Variants in MYL4 observed in about 807,000 individuals in gnomAD.
MYL4 encodes the protein myosin light chain 4.
In MYL4, 16 loss-of-function variants were observed where a neutral mutation model predicts 21.6. The observed-to-expected ratio is 0.74, with a 90% CI of 0.50 to 1.12. The LOEUF is 1.12. Ranked by LOEUF, MYL4 falls within the 50% of genes most tolerant of loss-of-function variation. The pLI is 0.00. For synonymous variants in MYL4, 82 were observed against 95.7 expected (o/e 0.86, Z 0.83); for missense variants, 249 against 252.9 (o/e 0.98, Z 0.11).
At chr17:47,215,804 A>G (rs1375985986) in intron 2 of MYL4, among the ~76,000 whole-genome samples, 1 of 152,012 alleles carries the variant, frequency 6.6e-6, no homozygotes, top group South Asian at 2.1e-4. Flanking sequence ...ATTTTATTTT[A>G]TCTTGAGACA....
At chr17:47,220,186 A>T in intron 3 of MYL4, 133 bp downstream of exon 3, 1 of 1,074,894 alleles carries the variant, frequency 9.3e-7, no homozygotes, top group Admixed American at 2.9e-5. Context: ...AGCCTCACCT[A>T]CCCAGCTTAC....
chr17:47,189,527 G>T, the MYL4 span: 3 of 375,256 alleles, frequency 8.0e-6, no homozygotes, highest in South Asian at 8.2e-5. Context: ...CCAATCGGCC[G>T]TCCCAGGGTT....
At chr17:47,218,718 C>T (rs186250503) in intron 2 of MYL4, among the ~76,000 whole-genome samples, 8 of 152,174 alleles carry the variant, frequency 5.3e-5, no homozygotes, top group South Asian at 2.1e-4. Flanking sequence ...ATCTGGGAGG[C>T]GGAGGTTGCA....
At position 47,220,592 on chromosome 17, in the gene MYL4, T is replaced by C. The variant is rs541046421; in HGVS notation, c.313+539T>C. ...TCATTTGCATTTCAATAGGTTTTGG[T>C]GAGTGAGTGTTTAGAATGGTGAGTA... On this transcript the variant is annotated intron_variant, in intron 3 of 6. Transcript: ENST00000393450. 2.6e-5 allele frequency among the ~76,000 whole-genome samples: 4 copies of C among 152,322 alleles called. No individual in the cohort carries two copies. In the South Asian group the frequency reaches 6.2e-4, roughly 24 times the overall value.
chr17:47,220,734 G>A (rs2064849482), intron 3 of MYL4, among the ~76,000 whole-genome samples: 1 of 152,202 alleles, frequency 6.6e-6, no homozygotes, highest in African/African-American at 2.4e-5. Flanking sequence ...GAAGAGGTGT[G>A]AGGGAGTGTG....
At chr17:47,208,667 A>G (rs1019418667), upstream of MYL4, among the ~76,000 whole-genome samples, 2 of 152,048 alleles carry the variant, frequency 1.3e-5, no homozygotes, top group South Asian at 2.1e-4. Context: ...ACTTTCTACC[A>G]CATCTCTCTG....
At chr17:47,202,654 CATT>C (rs1567742396) in intron 1 of MYL4, among the ~76,000 whole-genome samples, 1 of 151,136 alleles carries the variant, frequency 6.6e-6, no homozygotes, top group Non-Finnish European at 1.5e-5. Context: ...AACTCAGTAT[CATT>C]AACACGAAAT....
chr17:47,194,653 T>A, the MYL4 span, among the ~76,000 whole-genome samples: 1 of 152,148 alleles, frequency 6.6e-6, no homozygotes, highest in African/African-American at 2.4e-5. Flanking sequence ...CCTCTCCCTG[T>A]CTTCCCCCAC....
the MYL4 span, among the ~76,000 whole-genome samples, chr17:47,192,115 G>A: frequency 6.6e-6 from 1 of 152,196 alleles, no homozygotes; most frequent in Admixed American, 6.5e-5. Context: ...AACACTTTGG[G>A]AGGCCAATGC....
upstream of MYL4, among the ~76,000 whole-genome samples, chr17:47,204,747 AG>A (rs1413748049): frequency 1.4e-5 from 2 of 143,892 alleles, no homozygotes; most frequent in East Asian, 2.1e-4. Flanking sequence ...AAAAAAAAAA[AG>A]TTAACTAACT....
downstream of MYL4, among the ~76,000 whole-genome samples, chr17:47,227,021 A>C (rs908988773): frequency 6.6e-6 from 1 of 151,858 alleles, no homozygotes; most frequent in African/African-American, 2.4e-5. Context: ...CACCCAGCTA[A>C]TTTTTTGTAT....
chr17:47,209,323 G>T (rs186277396), upstream of MYL4: 116 of 1,531,264 alleles, frequency 7.6e-5, 1 homozygote, highest in East Asian at 2.4e-3. Flanking sequence ...CAGGATAAAA[G>T]GGAAGGGAGG....
chr17:47,215,558 A>G (rs775420622), intron 2 of MYL4, among the ~76,000 whole-genome samples: 6 of 152,108 alleles, frequency 3.9e-5, no homozygotes, highest in Admixed American at 2.0e-4. Flanking sequence ...GAATTAGGAG[A>G]CTTTCGTATT....
At chr17:47,222,315 G>A (rs763052836) in intron 4 of MYL4, 65 bp from the exon 5 acceptor site, 1 of 1,459,766 alleles carries the variant, frequency 6.9e-7, no homozygotes, top group Admixed American at 1.7e-5. Context: ...GGGGTACTTG[G>A]GTATTGCCAG....
chr17:47,215,030 G>T (rs913860781), intron 2 of MYL4, among the ~76,000 whole-genome samples: 15 of 152,220 alleles, frequency 9.9e-5, no homozygotes, highest in African/African-American at 3.1e-4. Context: ...TCCTAGCAGG[G>T]TTTAAAGGAT....
chr17:47,194,568 C>T, the MYL4 span, among the ~76,000 whole-genome samples: 1 of 152,264 alleles, frequency 6.6e-6, no homozygotes. Context: ...AATTTTACCT[C>T]CTAAATATAT....
At chr17:47,216,425 A>G (rs1057028462) in intron 2 of MYL4, among the ~76,000 whole-genome samples, 2 of 151,882 alleles carry the variant, frequency 1.3e-5, no homozygotes, top group Admixed American at 1.3e-4. Context: ...TATAACAAGC[A>G]GGTCTCCTTC....
In MYL4 at chr17:47,220,026, C is replaced by A; in HGVS notation, c.286C>A (p.Arg96Ser). The A allele has an allele frequency of 6.2e-7, 1 of 1,613,878 alleles. No homozygotes were observed. The highest frequency in any genetic ancestry group is 1.1e-5 in the South Asian group (1 of 91,030). Residue 96 changes from arginine to serine, a missense_variant, in exon 3 of 7, where the codon CGT becomes AGT. By Grantham distance (110) the Arg-to-Ser change is moderately radical. Coordinates refer to ENST00000393450, the MANE Select transcript of MYL4 (RefSeq NM_002476.2). ...GQNPTNAEVL[R>S]VLGKPKPEEM... ...GAACCCTACCAATGCCGAGGTGCTG[C>A]GTGTGCTGGGCAAGCCCAAGCCTGA...
intron 1 of MYL4, among the ~76,000 whole-genome samples, chr17:47,211,737 G>A (rs1338942612): frequency 6.6e-6 from 1 of 152,040 alleles, no homozygotes; most frequent in Non-Finnish European, 1.5e-5. Flanking sequence ...GGGTCCTCAT[G>A]AATGGAGGTC....
Sources: gnomAD v4.1 joint callset for allele counts (sites outside exome capture counted in the v4.1 genomes callset) on GRCh38, gnomAD v4.1.1 for gene constraint, MANE v1.5 for transcripts, NCBI Gene and HGNC (gene_info 2026-07-23, HGNC 2026-07-21) for gene names.